The following OR8J1 variants were observed in gnomAD, a reference collection of about 807,000 sequenced individuals.
OR8J1 encodes olfactory receptor 8J1.
For synonymous variants in OR8J1, 157 were observed against 144.3 expected, an observed-to-expected ratio of 1.09 and a Z score of -0.63; for missense variants, 400 against 373.0, an observed-to-expected ratio of 1.07 and a Z score of -0.60.
intron 1 of OR8J1, among the ~76,000 whole-genome samples, chr11:56,355,527 C>T (rs1441829502): frequency 2.0e-5 from 3 of 152,030 alleles, no homozygotes; most frequent in Admixed American, 2.0e-4. Flanking sequence ...ACTAGGGAGG[C>T]TGAGGCAGGA....
chr11:56,360,944 G>A lies in OR8J1; in HGVS notation c.698G>A (p.Gly233Glu), dbSNP rs1852630326. 6.8e-7 allele frequency: 1 copy of A among 1,476,388 alleles called. No homozygotes were observed. The highest frequency in any genetic ancestry group is 9.0e-7 in the Non-Finnish European group (1 of 1,116,636). 91.5% of individuals were successfully genotyped at this position (1,476,388 alleles called of 1,614,324 possible). Residue 233 changes from glycine to glutamate, a missense_variant, in exon 2 of 2, where the codon GGA becomes GAA. Gly to Glu is a moderately conservative substitution (Grantham distance 98, BLOSUM62 -2). Coordinates refer to ENST00000533152, the MANE Select transcript of OR8J1 (RefSeq NM_001005205.3). Reference protein sequence around the residue: ...LSILKICSSEGRKKAFSTCAS... With the variant: ...LSILKICSSEERKKAFSTCAS... Reference sequence around the variant, plus strand: ...ATTTTAAAAATATGTTCATCAGAAGGAAGGAAAAAAGCCTTTTCTACCTGT... The same window carrying A: ...ATTTTAAAAATATGTTCATCAGAAGAAAGGAAAAAAGCCTTTTCTACCTGT...
At chr11:56,355,375 A>G (rs1030317004) in intron 1 of OR8J1, among the ~76,000 whole-genome samples, 7 of 152,078 alleles carry the variant, frequency 4.6e-5, no homozygotes, top group Admixed American at 4.6e-4. Flanking sequence ...CTGGCTTACT[A>G]CTGTAATCCC....
Position 56,360,914 on chromosome 11 carries a change from T to G in OR8J1, c.668T>G (p.Leu223Trp). Residue 223 changes from leucine to tryptophan, a missense_variant, in exon 2 of 2, where the codon TTG (leucine) becomes TGG (tryptophan). Coordinates refer to ENST00000533152, the MANE Select transcript of OR8J1 (RefSeq NM_001005205.3). Reference sequence around the variant, plus strand: ...CTAGTATCTTATTTCAATATTGTTTTGTCTATTTTAAAAATATGTTCATCA... The same window carrying G: ...CTAGTATCTTATTTCAATATTGTTTGGTCTATTTTAAAAATATGTTCATCA... ...IVLVSYFNIVLSILKICSSEG... is the reference protein window; with the variant it reads ...IVLVSYFNIVWSILKICSSEG... 1 of 1,487,172 alleles carries G rather than the reference T, an allele frequency of 6.7e-7. No individual in the cohort carries two copies. The highest frequency in any genetic ancestry group is 8.9e-7 in the Non-Finnish European group (1 of 1,121,972). The allele number at this position is 1,487,172 out of a possible 1,614,324, so 92.1% of individuals were successfully genotyped here.
At chr11:56,354,921 C>T (rs1030047011) in intron 1 of OR8J1, among the ~76,000 whole-genome samples, 7 of 152,166 alleles carry the variant, frequency 4.6e-5, no homozygotes, top group South Asian at 2.1e-4. Context: ...GAAGAAATAG[C>T]AAAGAAGAAC....
Position 56,358,076 on chromosome 11 carries a change from A to C in OR8J1, c.-20-2151A>C, listed in dbSNP as rs1852583160. The C allele has an allele frequency of 5.9e-5, 33 of 560,266 alleles. 1 individual carries two copies. The East Asian group carries it at 1.0e-3, about 17-fold the overall frequency. 34.7% of individuals were successfully genotyped at this position (560,266 alleles called of 1,614,324 possible). On this transcript the variant is annotated intron_variant, in intron 1 of 1. Coordinates refer to ENST00000533152, the MANE Select transcript of OR8J1 (RefSeq NM_001005205.3). ...AAAGCTCATGCTGCTATAGGAGAAA[A>C]TCCAGTTTATGAAAAGAAGCCCAAG...
At chr11:56,357,465 A>G (rs1261146351) in intron 1 of OR8J1, 2 of 876,534 alleles carry the variant, frequency 2.3e-6, no homozygotes, top group East Asian at 4.8e-5. Flanking sequence ...CAACACACCC[A>G]AATACTGGAT....
chr11:56,357,172 C>T (rs774109122), intron 1 of OR8J1, among the ~76,000 whole-genome samples: 1 of 152,068 alleles, frequency 6.6e-6, no homozygotes, highest in African/African-American at 2.4e-5. Flanking sequence ...CTTTTTCAAT[C>T]CTATAATTCA....
Position 56,354,315 on chromosome 11 carries a change from C to A in OR8J1, c.-31C>A, listed in dbSNP as rs1446511912. The A allele has an allele frequency of 6.6e-6, 1 of 152,186 alleles. No homozygotes were observed. The highest frequency in any genetic ancestry group is 1.5e-5 in the Non-Finnish European group (1 of 68,036). 9.4% of individuals were successfully genotyped at this position (152,186 alleles called of 1,614,324 possible). A position where few individuals can be genotyped will look rare whatever the true frequency, so the allele number is the denominator to read the frequency against. On this transcript the variant is annotated 5_prime_UTR_variant, in exon 1 of 2. Coordinates refer to ENST00000533152, the MANE Select transcript of OR8J1 (RefSeq NM_001005205.3). ...AGACTCTAAGAACCTGAAGCAGATTCTCCTCTAGAGGTGGGTGGAAAAGAC... is the reference window on the plus strand; with the variant it reads ...AGACTCTAAGAACCTGAAGCAGATTATCCTCTAGAGGTGGGTGGAAAAGAC...
At position 56,359,412 on chromosome 11, in the gene OR8J1, G is replaced by T. The variant is rs539761923; in HGVS notation, c.-20-815G>T. 1.3e-4 allele frequency among the ~76,000 whole-genome samples: 19 copies of T among 151,462 alleles called. 1 individual carries two copies. In the South Asian group the frequency reaches 3.7e-3, roughly 30 times the overall value. Reference sequence around the variant, plus strand: ...GAAAGAGCAGATATACTTTATAAGTGGTAAAAATAATATCTAATTATATAA... The same window carrying T: ...GAAAGAGCAGATATACTTTATAAGTTGTAAAAATAATATCTAATTATATAA... On this transcript the variant is annotated intron_variant, in intron 1 of 1. Transcript: ENST00000533152.
intron 1 of OR8J1, chr11:56,358,176 G>C: frequency 6.1e-6 from 2 of 325,308 alleles, no homozygotes; most frequent in East Asian, 5.9e-5. Context: ...TAGCTCGAAA[G>C]AAGGCAAGCT....
intron 1 of OR8J1, among the ~76,000 whole-genome samples, chr11:56,355,826 G>T (rs1854960502): frequency 6.6e-6 from 1 of 152,138 alleles, no homozygotes; most frequent in Admixed American, 6.5e-5. Context: ...AAGTTAATTA[G>T]CCTCATTTGA....
chr11:56,360,349 T>G lies in OR8J1; in HGVS notation c.103T>G (p.Tyr35Asp). ...IPLFLVFLVL[Y>D]GLTMAGNLGI... ...CCTCTTCCTGGTCTTTCTGGTGCTC[T>G]ATGGGCTGACCATGGCAGGGAACCT... The change falls in exon 2 of 2, where the codon TAT becomes GAT. Residue 35 changes from tyrosine to aspartate, a missense_variant. Transcript: ENST00000533152. 6.2e-7 allele frequency: 1 copy of G among 1,614,138 alleles called. No individual in the cohort carries two copies. The highest frequency in any genetic ancestry group is 8.5e-7 in the Non-Finnish European group (1 of 1,180,024).
intron 1 of OR8J1, chr11:56,357,534 G>A (rs757505850): frequency 8.2e-6 from 7 of 855,388 alleles, no homozygotes; most frequent in Non-Finnish European, 1.4e-5. Context: ...CTGTATAGAG[G>A]GGAATGTGAT....
chr11:56,357,802 T>C (rs575498255), intron 1 of OR8J1: 2 of 1,231,154 alleles, frequency 1.6e-6, no homozygotes, highest in South Asian at 1.2e-5. Flanking sequence ...AATAAAGTTT[T>C]TGGCACCCTG....
At chr11:56,358,415 C>G (rs937315789) in intron 1 of OR8J1, among the ~76,000 whole-genome samples, 1 of 152,114 alleles carries the variant, frequency 6.6e-6, no homozygotes, top group African/African-American at 2.4e-5. Context: ...TTATTTTCTA[C>G]CTCATACCAG....
chr11:56,360,160 T>C lies in OR8J1; in HGVS notation c.-20-67T>C, dbSNP rs998763921. The C allele has an allele frequency of 2.5e-5, 26 of 1,032,850 alleles. No individual in the cohort carries two copies. The East Asian group carries it at 6.0e-4, about 24-fold the overall frequency. The allele number at this position is 1,032,850 out of a possible 1,614,324, so 64.0% of individuals were successfully genotyped here. A position where few individuals can be genotyped will look rare whatever the true frequency, so the allele number is the denominator to read the frequency against. On this transcript the variant is annotated intron_variant, in intron 1 of 1. Transcript: ENST00000533152. ...AAGAAATGTTATCAGGGAATTGTCC[T>C]AGCCATATAAGGGCAGTCCTGCAAA...
chr11:56,359,399 A>G (rs1852602626), intron 1 of OR8J1, among the ~76,000 whole-genome samples: 1 of 151,990 alleles, frequency 6.6e-6, no homozygotes, highest in Non-Finnish European at 1.5e-5. Flanking sequence ...AAGAGCAGAT[A>G]TACTTTATAA....
At position 56,357,720 on chromosome 11, in the gene OR8J1, G is replaced by A. The variant is rs1020981037; in HGVS notation, c.-20-2507G>A. 2.5e-6 allele frequency: 4 copies of A among 1,581,892 alleles called. No homozygotes were observed. In the African/African-American group the frequency reaches 5.4e-5, roughly 21 times the overall value. On this transcript the variant is annotated intron_variant, in intron 1 of 1. Coordinates refer to ENST00000533152, the MANE Select transcript of OR8J1 (RefSeq NM_001005205.3). ...GGCGACTAGTGATGAATACAATGTG[G>A]AAAGCATTGATGGTCAGCCAGGTGC...
Position 56,360,930 on chromosome 11 carries a change from A to G in OR8J1, c.684A>G (p.Ile228Met), listed in dbSNP as rs62001032. The change falls in exon 2 of 2, where the codon ATA becomes ATG. Residue 228 changes from isoleucine (I) to methionine (M), a missense_variant. Physicochemically the swap from Ile to Met is conservative, Grantham distance 10 (BLOSUM62 1). Transcript: ENST00000533152. ...ATATTGTTTTGTCTATTTTAAAAAT[A>G]TGTTCATCAGAAGGAAGGAAAAAAG... Reference protein sequence around the residue: ...YFNIVLSILKICSSEGRKKAF... With the variant: ...YFNIVLSILKMCSSEGRKKAF... The G allele has an allele frequency of 0.073, 108,586 of 1,480,080 alleles. 4,518 individuals carry two copies. Among genetic ancestry groups the G allele is most frequent in the Non-Finnish European group, 0.081 (90,721 of 1,117,956 alleles). The allele number at this position is 1,480,080 out of a possible 1,614,324, so 91.7% of individuals were successfully genotyped here.
Sources: allele counts gnomAD v4.1 joint callset (sites outside exome capture counted in the v4.1 genomes callset), GRCh38; gene constraint gnomAD v4.1.1; transcripts MANE v1.5; gene names NCBI Gene and HGNC (gene_info 2026-07-23, HGNC 2026-07-21).